The following KLHL3 variants were observed in gnomAD, a reference collection of about 807,000 sequenced individuals.
The protein encoded by KLHL3 is kelch-like protein 3.
In KLHL3, 19 loss-of-function variants were observed where a neutral mutation model predicts 70.5. That is an observed-to-expected ratio of 0.27 (90% CI 0.19 to 0.40). The LOEUF (loss-of-function observed/expected upper bound fraction) is 0.40, where lower values mean the gene tolerates loss of function less well. KLHL3 is among the 10% of genes least tolerant of loss of function. The pLI, the probability that KLHL3 is intolerant of heterozygous loss-of-function variation, is 1.00. For synonymous variants in KLHL3, 258 were observed against 290.3 expected, an observed-to-expected ratio of 0.89 and a Z score of 1.13; for missense variants, 512 against 771.1, an observed-to-expected ratio of 0.66 and a Z score of 3.98.
chr5:137,677,888 G>T (rs1278142939), intron 5 of KLHL3, among the ~76,000 whole-genome samples: 1 of 152,164 alleles, frequency 6.6e-6, no homozygotes, highest in Non-Finnish European at 1.5e-5. Context: ...CAACACAGAT[G>T]AAAATGGGGC....
chr5:137,697,589 A>G (rs1041213060), intron 4 of KLHL3, among the ~76,000 whole-genome samples: 2 of 152,234 alleles, frequency 1.3e-5, no homozygotes, highest in African/African-American at 2.4e-5. Context: ...ATGCATCCAC[A>G]TGCTGGGAGG....
chr5:137,671,399 C>T (rs74638544), intron 6 of KLHL3, among the ~76,000 whole-genome samples: 6 of 152,252 alleles, frequency 3.9e-5, no homozygotes, highest in East Asian at 1.9e-4. Context: ...CTCTTGGCCA[C>T]GTACTATGGA....
chr5:137,626,261 G>C (rs1750459538), intron 13 of KLHL3, among the ~76,000 whole-genome samples: 2 of 152,166 alleles, frequency 1.3e-5, no homozygotes, highest in Admixed American at 1.3e-4. Flanking sequence ...CTGAGCTAGG[G>C]AATAAGACAA....
chr5:137,638,892 C>T, intron 10 of KLHL3, 61 bp downstream of exon 10: 1 of 1,513,770 alleles, frequency 6.6e-7, no homozygotes, highest in Non-Finnish European at 9.1e-7. Context: ...CTGAATAAAA[C>T]AGGGTTGCAT....
intron 6 of KLHL3, among the ~76,000 whole-genome samples, chr5:137,670,592 C>G (rs1435946586): frequency 2.0e-5 from 3 of 151,978 alleles, no homozygotes; most frequent in Non-Finnish European, 4.4e-5. Context: ...CTGACAACTC[C>G]TGTAGTAAAG....
rs1165937088 is a variant in KLHL3 at position 137,617,530 on chromosome 5, A to C, written c.*4568T>G. ...ACAGTTCAGCTTTTATTAAAATTAAAGGATGGGAAATTAGAACATGATTCC... is the reference window on the plus strand; with the variant it reads ...ACAGTTCAGCTTTTATTAAAATTAACGGATGGGAAATTAGAACATGATTCC... On this transcript the variant is annotated 3_prime_UTR_variant, in exon 15 of 15. Coordinates refer to ENST00000309755, the MANE Select transcript of KLHL3 (RefSeq NM_017415.3). 1 of 152,270 alleles carries C rather than the reference A, an allele frequency of 6.6e-6. No individual in the cohort carries two copies. The highest frequency in any genetic ancestry group is 1.5e-5 in the Non-Finnish European group (1 of 68,048). 9.4% of individuals were successfully genotyped at this position (152,270 alleles called of 1,614,324 possible). A position where few individuals can be genotyped will look rare whatever the true frequency, so the allele number is the denominator to read the frequency against.
chr5:137,692,342 C>T lies in KLHL3; in HGVS notation c.469G>A (p.Ala157Thr), dbSNP rs1752344458. The T allele has an allele frequency of 1.2e-6, 2 of 1,613,774 alleles. No individual in the cohort carries two copies. The highest frequency in any genetic ancestry group is 1.1e-5 in the South Asian group (1 of 91,028). Residue 157 changes from alanine (A) to threonine (T), a missense_variant, in exon 5 of 15, where the codon GCA (alanine) becomes ACA (threonine). By Grantham distance (58) the Ala-to-Thr change is moderately conservative. Coordinates refer to ENST00000309755, the MANE Select transcript of KLHL3 (RefSeq NM_017415.3). Reference protein sequence around the residue: ...LHPTNCLGIRAFADVHTCTDL... With the variant: ...LHPTNCLGIRTFADVHTCTDL... ...GTGCAGGTGTGTACATCTGCAAATG[C>T]ACGGATGCCCAGGCAATTGGTGGGA...
intron 11 of KLHL3, among the ~76,000 whole-genome samples, chr5:137,634,530 C>G (rs1202891366): frequency 6.6e-6 from 1 of 152,210 alleles, no homozygotes; most frequent in African/African-American, 2.4e-5. Flanking sequence ...AGATGGAAAG[C>G]TAGAAGGCCC....
At chr5:137,701,171 T>G (rs1317861443) in intron 3 of KLHL3, among the ~76,000 whole-genome samples, 2 of 152,178 alleles carry the variant, frequency 1.3e-5, no homozygotes, top group African/African-American at 4.8e-5. Flanking sequence ...TAGCTGAGAT[T>G]ACAGGCATGC....
chr5:137,637,546 G>A (rs757165127), intron 10 of KLHL3, 151 bp from the exon 11 acceptor site: 36 of 652,776 alleles, frequency 5.5e-5, no homozygotes, highest in Admixed American at 2.0e-4. Flanking sequence ...TGCGGCCTGT[G>A]GCAACTCCCT....
intron 5 of KLHL3, among the ~76,000 whole-genome samples, chr5:137,687,008 C>T: frequency 8.8e-6 from 1 of 114,104 alleles, no homozygotes; most frequent in African/African-American, 3.2e-5. Flanking sequence ...GCCGCCCCAT[C>T]CGGGAGGGAG....
chr5:137,707,491 T>G (rs996228194), intron 3 of KLHL3: 7 of 152,616 alleles, frequency 4.6e-5, no homozygotes, highest in Non-Finnish European at 1.0e-4. Context: ...AATATATATT[T>G]TGTATATGTA....
intron 4 of KLHL3, among the ~76,000 whole-genome samples, chr5:137,697,432 G>A (rs1162274774): frequency 6.6e-6 from 1 of 152,142 alleles, no homozygotes; most frequent in Non-Finnish European, 1.5e-5. Flanking sequence ...CAAAAGCGCT[G>A]GGATTATAGG....
At chr5:137,697,416 A>C (rs1167156495) in intron 4 of KLHL3, among the ~76,000 whole-genome samples, 2 of 152,190 alleles carry the variant, frequency 1.3e-5, no homozygotes, top group African/African-American at 4.8e-5. Flanking sequence ...TGCCTGCCTC[A>C]GCTTCCAAAA....
intron 3 of KLHL3, among the ~76,000 whole-genome samples, chr5:137,703,524 G>A (rs1338647491): frequency 6.6e-6 from 1 of 152,198 alleles, no homozygotes; most frequent in East Asian, 1.9e-4. Flanking sequence ...ATCAGGGAAT[G>A]TCCTTAGTTC....
At chr5:137,694,984 G>A (rs1272418285) in intron 4 of KLHL3, among the ~76,000 whole-genome samples, 2 of 152,022 alleles carry the variant, frequency 1.3e-5, no homozygotes, top group African/African-American at 2.4e-5. Context: ...ATTTCTGAGA[G>A]TCCAATCTGC....
intron 5 of KLHL3, among the ~76,000 whole-genome samples, chr5:137,688,328 G>A (rs567189561): frequency 2.6e-5 from 4 of 152,280 alleles, no homozygotes; most frequent in African/African-American, 9.6e-5. Context: ...TGCTGACCCA[G>A]CCAGGAAAAG....
chr5:137,643,863 T>C (rs1750978119), intron 8 of KLHL3, among the ~76,000 whole-genome samples: 1 of 152,088 alleles, frequency 6.6e-6, no homozygotes, highest in African/African-American at 2.4e-5. Flanking sequence ...ACAGTATCCA[T>C]TGATCACCCC....
intron 12 of KLHL3, among the ~76,000 whole-genome samples, chr5:137,633,257 C>A (rs1293836481): frequency 9.8e-6 from 1 of 102,354 alleles, no homozygotes; most frequent in Admixed American, 1.6e-4. Context: ...CTAGCCTGGG[C>A]AACAGAGTGA....
Sources: allele counts gnomAD v4.1 joint callset (sites outside exome capture counted in the v4.1 genomes callset), GRCh38; gene constraint gnomAD v4.1.1; transcripts MANE v1.5; gene names NCBI Gene and HGNC (gene_info 2026-07-23, HGNC 2026-07-21).